The following MOGAT2 variants were observed in gnomAD, a reference collection of about 807,000 sequenced individuals.
MOGAT2 encodes monoacylglycerol O-acyltransferase 2.
MOGAT2 carries 27 observed loss-of-function variants against 31.5 expected under a neutral mutation model. That is an observed-to-expected ratio of 0.86 (90% CI 0.63 to 1.18). The LOEUF (loss-of-function observed/expected upper bound fraction) is 1.18, where lower values mean the gene tolerates loss of function less well. Among genes scored for constraint, MOGAT2 ranks in the 50% most tolerant of loss-of-function variants. MOGAT2 has a pLI of 0.00. For synonymous variants in MOGAT2, 163 were observed against 170.0 expected (o/e 0.96, Z 0.32); for missense variants, 436 against 433.2 (o/e 1.01, Z -0.06).
chr11:75,726,289 G>A (rs901390460), intron 2 of MOGAT2, among the ~76,000 whole-genome samples: 4 of 152,270 alleles, frequency 2.6e-5, no homozygotes, highest in East Asian at 1.9e-4. Context: ...TCATGCATAC[G>A]GGTAAACAGG....
chr11:75,726,139 G>A (rs767418607), intron 2 of MOGAT2, among the ~76,000 whole-genome samples: 5 of 152,292 alleles, frequency 3.3e-5, no homozygotes, highest in South Asian at 4.1e-4. Context: ...AATCTACAAC[G>A]TCCGTTGGAT....
In MOGAT2 at chr11:75,727,467, G is replaced by A. The variant is rs138060631; in HGVS notation, c.303G>A (p.Arg101=). The A allele has an allele frequency of 3.3e-4, 534 of 1,614,108 alleles. 2 individuals carry two copies. The highest frequency in any genetic ancestry group is 4.8e-4 in the Admixed American group (29 of 60,022). ...AGACTGCTGAGCTGGACCCCTCTCG[G>A]AACTACATTGCGGGCTTCCACCCCC... ...LVKTAELDPS[R]NYIAGFHPHG... The change falls in exon 3 of 6, where the codon CGG becomes CGA. Residue 101 remains arginine (R), a synonymous_variant. Transcript: ENST00000198801.
chr11:75,730,914 C>CAAAAA lies in MOGAT2; in HGVS notation c.851-207_851-203dup, dbSNP rs767670159. 672 of 171,134 alleles carry CAAAAA rather than the reference C, an allele frequency of 3.9e-3. 7 individuals are homozygous for CAAAAA. Among genetic ancestry groups the CAAAAA allele is most frequent in the African/African-American group, 0.023 (568 of 24,390 alleles). 10.6% of individuals were successfully genotyped at this position (171,134 alleles called of 1,614,324 possible). ...TGGGCTACAGAGCGAGACTCTACCT[C>CAAAAA]AAAAAAAAAAAAAAAGAAAAGAAAA... On this transcript the variant is annotated intron_variant, in intron 5 of 5. Coordinates refer to ENST00000198801, the MANE Select transcript of MOGAT2 (RefSeq NM_025098.4).
chr11:75,726,174 C>T (rs1272055276), intron 2 of MOGAT2, among the ~76,000 whole-genome samples: 1 of 152,210 alleles, frequency 6.6e-6, no homozygotes, highest in Non-Finnish European at 1.5e-5. Flanking sequence ...ATGCTGCAGG[C>T]CTGGCCAGAC....
At chr11:75,725,756 A>G (rs1316335447) in intron 2 of MOGAT2, among the ~76,000 whole-genome samples, 1 of 152,154 alleles carries the variant, frequency 6.6e-6, no homozygotes, top group Non-Finnish European at 1.5e-5. Context: ...TCTTGATGAC[A>G]GGAAGAATTT....
At chr11:75,718,671 G>A (rs1276679376) in intron 1 of MOGAT2, among the ~76,000 whole-genome samples, 1 of 152,254 alleles carries the variant, frequency 6.6e-6, no homozygotes. Flanking sequence ...GGCTCACACT[G>A]GAGGGCATGA....
At position 75,728,163 on chromosome 11, in the gene MOGAT2, G is replaced by A. The variant is rs1944440151; in HGVS notation, c.650+19G>A. On this transcript the variant is annotated intron_variant, in intron 4 of 5. Transcript: ENST00000198801. ...CACACGGGTATCAAGCCTCTGGGAAGAGCACTCTGGGTTCAGTTGGCAATT... is the reference window on the plus strand; with the variant it reads ...CACACGGGTATCAAGCCTCTGGGAAAAGCACTCTGGGTTCAGTTGGCAATT... 1 of 1,609,378 alleles carries A rather than the reference G, an allele frequency of 6.2e-7. No homozygotes were observed. The highest frequency in any genetic ancestry group is 1.3e-5 in the African/African-American group (1 of 74,870).
intron 5 of MOGAT2, among the ~76,000 whole-genome samples, chr11:75,730,460 G>A: frequency 6.6e-6 from 1 of 152,206 alleles, no homozygotes; most frequent in African/African-American, 2.4e-5. Context: ...CTAAAACCTG[G>A]CAGTGGTTCT....
rs1390085341 is a variant in MOGAT2, at chr11:75,728,310, A to G, written c.650+166A>G. 7.3e-6 allele frequency: 6 copies of G among 823,398 alleles called. No individual in the cohort carries two copies. The Admixed American group carries it at 1.2e-4, about 16-fold the overall frequency. The allele number at this position is 823,398 out of a possible 1,614,324, so 51.0% of individuals were successfully genotyped here. On this transcript the variant is annotated intron_variant, in intron 4 of 5. Coordinates refer to ENST00000198801, the MANE Select transcript of MOGAT2 (RefSeq NM_025098.4). ...GGTGTCTTATGCCCAAATACCTAGA[A>G]AAGTTTCCACAACGGAGACTCAGTG...
Position 75,720,023 on chromosome 11 carries a change from C to G in MOGAT2, c.123C>G (p.Leu41=), listed in dbSNP as rs375795080. 1.2e-6 allele frequency: 2 copies of G among 1,614,016 alleles called. No homozygotes were observed. Among genetic ancestry groups the G allele is most frequent in the East Asian group, 2.2e-5 (1 of 44,890 alleles). The change falls in exon 2 of 6, where the codon CTC becomes CTG. Residue 41 remains leucine (L), a synonymous_variant. Coordinates refer to ENST00000198801, the MANE Select transcript of MOGAT2 (RefSeq NM_025098.4). ...TCTGCACTGTGGGCTTCATAGCCCT[C>G]CTGTTTACAAGATTCTGGCTCCTCA... ...AEICTVGFIA[L]LFTRFWLLTV...
intron 5 of MOGAT2, 22 bp downstream of exon 5, chr11:75,729,011 G>T: frequency 1.2e-6 from 2 of 1,611,650 alleles, no homozygotes; most frequent in Non-Finnish European, 1.7e-6. Context: ...ACCAGGCTGG[G>T]AGGGAGGAGG....
At position 75,731,159 on chromosome 11, in the gene MOGAT2, C is replaced by A; in HGVS notation, c.878C>A (p.Thr293Lys). ...GGGAAGCCCATCGAGGTACAGAAGA[C>A]GCTGCATCCCTCGGAGGAGGAGGTG... ...VVGKPIEVQK[T>K]LHPSEEEVNQ... The change falls in exon 6 of 6, where the codon ACG becomes AAG. Residue 293 changes from threonine to lysine, a missense_variant. Transcript: ENST00000198801. The A allele has an allele frequency of 3.7e-6, 6 of 1,614,016 alleles. 1 individual carries two copies. In the South Asian group the frequency reaches 6.6e-5, roughly 18 times the overall value.
In MOGAT2 at chr11:75,728,954, G is replaced by A. The variant is rs770451237; in HGVS notation, c.815G>A (p.Gly272Asp). 1 of 1,614,084 alleles carries A rather than the reference G, an allele frequency of 6.2e-7. No homozygotes were observed. Among genetic ancestry groups the A allele is most frequent in the Admixed American group, 1.7e-5 (1 of 60,016 alleles). The change falls in exon 5 of 6, where the codon GGT (glycine) becomes GAT (aspartate). Residue 272 changes from glycine (G) to aspartate (D), a missense_variant. By Grantham distance (94) the Gly-to-Asp change is moderately conservative. Coordinates refer to ENST00000198801, the MANE Select transcript of MOGAT2 (RefSeq NM_025098.4). ...CGTGGTGTCTTCCAGTACAGCTTTG[G>A]TTTAATACCCTACCGCCGGCCCATC... is the stretch of plus-strand genomic sequence containing the variant. ...HGRGVFQYSF[G>D]LIPYRRPITT...
At chr11:75,728,672 G>A (rs978418697) in intron 4 of MOGAT2, 118 bp from the exon 5 acceptor site, 4 of 832,884 alleles carry the variant, frequency 4.8e-6, no homozygotes, top group Non-Finnish European at 7.8e-6. Context: ...TCCAGCCCAG[G>A]TGGCTGACCT....
chr11:75,723,169 C>T (rs1422748273), intron 2 of MOGAT2, among the ~76,000 whole-genome samples: 1 of 152,050 alleles, frequency 6.6e-6, no homozygotes, highest in East Asian at 1.9e-4. Context: ...ACCATGTTGG[C>T]CAGGCTGGTC....
At chr11:75,727,944 C>T in intron 3 of MOGAT2, 26 bp from the exon 4 acceptor site, 1 of 1,581,304 alleles carries the variant, frequency 6.3e-7, no homozygotes, top group South Asian at 1.2e-5. Context: ...TCACCCCATA[C>T]CTGACCCACT....
At chr11:75,728,479 C>A in intron 4 of MOGAT2, 2 of 546,588 alleles carry the variant, frequency 3.7e-6, no homozygotes, top group Non-Finnish European at 6.5e-6. Context: ...GAAACATGAG[C>A]CAGCTGAGGT....
chr11:75,727,259 C>A (rs1181151611), intron 2 of MOGAT2, among the ~76,000 whole-genome samples, 176 bp from the exon 3 acceptor site: 1 of 152,180 alleles, frequency 6.6e-6, no homozygotes, highest in Non-Finnish European at 1.5e-5. Context: ...ACCATAATAT[C>A]TCCAGGTGCT....
At chr11:75,724,309 A>C (rs1944400897) in intron 2 of MOGAT2, among the ~76,000 whole-genome samples, 2 of 152,178 alleles carry the variant, frequency 1.3e-5, no homozygotes, top group African/African-American at 4.8e-5. Context: ...GATGCATCAG[A>C]TACATGGTCT....
Sources: allele counts gnomAD v4.1 joint callset (sites outside exome capture counted in the v4.1 genomes callset), GRCh38; gene constraint gnomAD v4.1.1; transcripts MANE v1.5; gene names NCBI Gene and HGNC (gene_info 2026-07-23, HGNC 2026-07-21).